LONRF1: variants seen among roughly 807,000 people sequenced by gnomAD.
LONRF1 encodes LON peptidase N-terminal domain and ring finger 1, also known as LON peptidase N-terminal domain and RING finger protein 1.
A neutral mutation model predicts 85.8 loss-of-function variants in LONRF1; 37 were observed. That is an observed-to-expected ratio of 0.43 (90% CI 0.33 to 0.57). The LOEUF is 0.57. Ranked by LOEUF, LONRF1 falls within the 20% of genes least tolerant of loss-of-function variation. The pLI, the probability that LONRF1 is intolerant of heterozygous loss-of-function variation, is 0.04. For missense variants in LONRF1, 1,036 were observed against 978.0 expected, an observed-to-expected ratio of 1.06 and a Z score of -0.79; for synonymous variants, 517 against 390.1, an observed-to-expected ratio of 1.33 and a Z score of -3.83.
chr8:12,731,238 C>A (rs1248895210), intron 8 of LONRF1, among the ~76,000 whole-genome samples: 2 of 152,132 alleles, frequency 1.3e-5, no homozygotes, highest in African/African-American at 4.8e-5. Context: ...CTCAGTTGTG[C>A]TCCCAGTCAG....
intron 4 of LONRF1, 95 bp from the exon 5 acceptor site, chr8:12,737,235 A>G: frequency 1.5e-6 from 2 of 1,356,728 alleles, no homozygotes. Flanking sequence ...TCAATGCCTT[A>G]TAATGCTCAT....
chr8:12,737,627 T>C (rs112464724), intron 4 of LONRF1, among the ~76,000 whole-genome samples: 1,627 of 152,216 alleles, frequency 0.011, 27 homozygotes, highest in African/African-American at 0.038. Flanking sequence ...CTCCCACAGA[T>C]ACAAGGGATG....
chr8:12,732,469 T>C (rs191083401), intron 7 of LONRF1, among the ~76,000 whole-genome samples: 2 of 152,292 alleles, frequency 1.3e-5, no homozygotes, highest in South Asian at 2.1e-4. Flanking sequence ...GTATGATCCA[T>C]CTACCCCAGC....
intron 1 of LONRF1, among the ~76,000 whole-genome samples, chr8:12,746,593 T>A: frequency 6.6e-6 from 1 of 152,180 alleles, no homozygotes; most frequent in Non-Finnish European, 1.5e-5. Flanking sequence ...TTACAAGTAA[T>A]CTCTGTACTT....
chr8:12,724,241 A>T (rs1806061268), intron 11 of LONRF1, among the ~76,000 whole-genome samples: 1 of 152,166 alleles, frequency 6.6e-6, no homozygotes, highest in Non-Finnish European at 1.5e-5. Context: ...TTGGGTGTGG[A>T]AGCTGGAAGA....
rs1470305990 is a variant in LONRF1 at position 12,728,975 on chromosome 8, G to T, written c.1936C>A (p.Arg646=). ...ATTCCTCTTTTTAAAACCCTAAACC[G>T]CTTTCCTCCAACTGTATCAACCACA... The part of the protein sequence containing the change: ...RSVVDTVGGK[R]FRVLKRGMKD... Residue 646 remains arginine (R), a synonymous_variant, in exon 10 of 12, where the codon CGG becomes AGG. Coordinates refer to ENST00000398246, the MANE Select transcript of LONRF1 (RefSeq NM_152271.5). 2 of 1,613,902 alleles carry T rather than the reference G, an allele frequency of 1.2e-6. No individual in the cohort carries two copies. Among genetic ancestry groups the T allele is most frequent in the Non-Finnish European group, 1.7e-6 (2 of 1,179,884 alleles).
chr8:12,743,397 C>T, intron 1 of LONRF1, 115 bp from the exon 2 acceptor site: 1 of 700,458 alleles, frequency 1.4e-6, no homozygotes. Context: ...TTAATAATCA[C>T]CAAACTAAAG....
Position 12,755,499 on chromosome 8 carries a change from C to A in LONRF1, c.-79G>T, listed in dbSNP as rs1025064210. 2.7e-6 allele frequency: 2 copies of A among 743,646 alleles called. No individual in the cohort carries two copies. Among genetic ancestry groups the A allele is most frequent in the African/African-American group, 1.9e-5 (1 of 52,124 alleles). The allele number at this position is 743,646 out of a possible 1,614,324, so 46.1% of individuals were successfully genotyped here. A position where few individuals can be genotyped will look rare whatever the true frequency, so the allele number is the denominator to read the frequency against. Reference sequence around the variant, plus strand: ...CGGGCGCGCGGCTCCGCACGCGGCCCGCGAGCAGGGGGGCGTGGCGCGCGG... The same window carrying A: ...CGGGCGCGCGGCTCCGCACGCGGCCAGCGAGCAGGGGGGCGTGGCGCGCGG... On this transcript the variant is annotated 5_prime_UTR_variant, in exon 1 of 12. Coordinates refer to ENST00000398246, the MANE Select transcript of LONRF1 (RefSeq NM_152271.5).
intron 8 of LONRF1, 37 bp downstream of exon 8, chr8:12,731,699 T>C: frequency 1.3e-6 from 2 of 1,578,298 alleles, no homozygotes; most frequent in Non-Finnish European, 1.7e-6. Flanking sequence ...TATTAAAGGG[T>C]AGTAGTTCAT....
chr8:12,748,207 T>C (rs1799240865), intron 1 of LONRF1, among the ~76,000 whole-genome samples: 2 of 152,178 alleles, frequency 1.3e-5, no homozygotes, highest in African/African-American at 4.8e-5. Flanking sequence ...GCTTGTACTT[T>C]ATTTATTTGA....
intron 1 of LONRF1, among the ~76,000 whole-genome samples, chr8:12,750,592 T>G (rs1411761805): frequency 6.6e-6 from 1 of 152,256 alleles, no homozygotes; most frequent in African/African-American, 2.4e-5. Context: ...ACTACTGTAT[T>G]GTTTAAATTC....
intron 7 of LONRF1, among the ~76,000 whole-genome samples, chr8:12,732,528 G>A (rs1421878885): frequency 6.6e-6 from 1 of 152,134 alleles, no homozygotes; most frequent in Non-Finnish European, 1.5e-5. Context: ...CTCTGAAAAA[G>A]TACTATCCTC....
At chr8:12,746,113 C>T (rs1246326444) in intron 1 of LONRF1, among the ~76,000 whole-genome samples, 1 of 152,140 alleles carries the variant, frequency 6.6e-6, no homozygotes, top group Non-Finnish European at 1.5e-5. Context: ...TTCCTCAAAT[C>T]TCCCCTTTTC....
chr8:12,745,093 C>T (rs537652775), intron 1 of LONRF1, among the ~76,000 whole-genome samples: 2,576 of 151,732 alleles, frequency 0.017, 86 homozygotes, highest in African/African-American at 0.059. Context: ...CTGACCAAAG[C>T]AAAAAAAGAC....
rs570397210 is a variant in LONRF1, at chr8:12,742,394, T to C, written c.840+770A>G. 8.5e-5 allele frequency among the ~76,000 whole-genome samples: 13 copies of C among 152,330 alleles called. No homozygotes were observed. In the East Asian group the frequency reaches 2.5e-3, roughly 29 times the overall value. ...AAGGAGAATCTGTAAACTGACTGTA[T>C]GTTATACACATTCCTAAGTCTTTTT... On this transcript the variant is annotated intron_variant, in intron 2 of 11. Transcript: ENST00000398246.
At chr8:12,750,369 C>A (rs1799331731) in intron 1 of LONRF1, among the ~76,000 whole-genome samples, 1 of 152,182 alleles carries the variant, frequency 6.6e-6, no homozygotes, top group Admixed American at 6.5e-5. Context: ...CGGATGCCTG[C>A]AACTTCAGAT....
At chr8:12,738,197 T>C (rs944249481) in intron 3 of LONRF1, 53 bp from the exon 4 acceptor site, 14 of 1,209,834 alleles carry the variant, frequency 1.2e-5, no homozygotes, top group African/African-American at 7.9e-5. Flanking sequence ...TGGTTAAGGA[T>C]AATTTTGTAT....
At position 12,738,239 on chromosome 8, in the gene LONRF1, T is replaced by G. The variant is rs149472760; in HGVS notation, c.964-95A>C. 1.4e-3 allele frequency: 1,156 copies of G among 847,820 alleles called. 14 individuals are homozygous for G. The African/African-American group carries it at 0.018, about 13-fold the overall frequency. The allele number at this position is 847,820 out of a possible 1,614,324, so 52.5% of individuals were successfully genotyped here. ...ACCTAATAAAGAATATGTAGAAAGTTTGTAGCAGACATTTTTTTAATGAGC... is the reference window on the plus strand; with the variant it reads ...ACCTAATAAAGAATATGTAGAAAGTGTGTAGCAGACATTTTTTTAATGAGC... On this transcript the variant is annotated intron_variant, in intron 3 of 11. Coordinates refer to ENST00000398246, the MANE Select transcript of LONRF1 (RefSeq NM_152271.5).
At position 12,723,007 on chromosome 8, in the gene LONRF1, A is replaced by C. The variant is rs1563130116; in HGVS notation, c.*89T>G. 2.8e-5 allele frequency: 35 copies of C among 1,246,380 alleles called. No individual in the cohort carries two copies. Among genetic ancestry groups the C allele is most frequent in the Non-Finnish European group, 3.6e-5 (33 of 912,714 alleles). The allele number at this position is 1,246,380 out of a possible 1,614,324, so 77.2% of individuals were successfully genotyped here. The stretch of plus-strand genomic sequence containing the variant: ...AGAAAAGTTTCATTAAATTTCTGAA[A>C]CCAGCACTAGATGTGCAAAGGCAGC... On this transcript the variant is annotated 3_prime_UTR_variant, in exon 12 of 12. Coordinates refer to ENST00000398246, the MANE Select transcript of LONRF1 (RefSeq NM_152271.5).
Sources: gnomAD v4.1 joint callset for allele counts (sites outside exome capture counted in the v4.1 genomes callset) on GRCh38, gnomAD v4.1.1 for gene constraint, MANE v1.5 for transcripts, NCBI Gene and HGNC (gene_info 2026-07-23, HGNC 2026-07-21) for gene names.